Variants in PCDHGB4 observed in about 807,000 individuals in gnomAD.
The protein encoded by PCDHGB4 is protocadherin gamma subfamily B, 4.
In PCDHGB4, 38 loss-of-function variants were observed where a neutral mutation model predicts 60.5. The observed-to-expected ratio is 0.63, with a 90% CI of 0.48 to 0.82. PCDHGB4 has a LOEUF of 0.82. Among genes scored for constraint, PCDHGB4 ranks in the 40% least tolerant of loss-of-function variants. The pLI is 0.00. For synonymous variants in PCDHGB4, 456 were observed against 509.7 expected (o/e 0.89, Z 1.42); for missense variants, 1,109 against 1,209.6 (o/e 0.92, Z 1.23).
At position 141,486,931 on chromosome 5, in the gene PCDHGB4, T is replaced by C. The variant is rs201042803; in HGVS notation, c.2398-7876T>C. 2 of 1,614,258 alleles carry C rather than the reference T, an allele frequency of 1.2e-6. No homozygotes were observed. Among genetic ancestry groups the C allele is most frequent in the East Asian group, 2.2e-5 (1 of 44,876 alleles). ...AAGCACTGCCTCCATCAGTTGGTGC[T>C]GGCCACCTAATCACAAAGGTGACTG... On this transcript the variant is annotated intron_variant, in intron 1 of 3. Coordinates refer to ENST00000519479, the MANE Select transcript of PCDHGB4 (RefSeq NM_003736.4). This position sits in a 1 kb window ranked among gnomAD's most constrained non-coding sequence, Gnocchi z 5.0.
intron 1 of PCDHGB4, chr5:141,407,978 A>ATCCGTCAGCCTCTGGCCTGGGAT (rs2095018425): frequency 2.7e-6 from 2 of 743,974 alleles, no homozygotes; most frequent in Non-Finnish European, 4.1e-6. Context: ...GACGCCGGGG[A>ATCCGTCAGCCTCTGGCCTGGGAT]TCCGTCAGCC....
At position 141,511,112 on chromosome 5, in the gene PCDHGB4, G is replaced by A. The variant is rs767257788; in HGVS notation, c.2711G>A (p.Gly904Asp). The change falls in exon 4 of 4, where the codon GGC (glycine) becomes GAC (aspartate). Residue 904 changes from glycine (G) to aspartate (D), a missense_variant. Transcript: ENST00000519479. ...ACCAACGCAGCTGGCAAGCGGGATGGCAAGGCCCCAGCAGGTGGCAATGGC... is the reference window on the plus strand; with the variant it reads ...ACCAACGCAGCTGGCAAGCGGGATGACAAGGCCCCAGCAGGTGGCAATGGC... The part of the protein sequence containing the change: ...TLTNAAGKRD[G>D]KAPAGGNGNK... 1 of 1,614,232 alleles carries A rather than the reference G, an allele frequency of 6.2e-7. No individual in the cohort carries two copies.
intron 1 of PCDHGB4, chr5:141,427,261 C>A (rs903526432): frequency 1.5e-5 from 7 of 456,556 alleles, no homozygotes; most frequent in African/African-American, 4.0e-5. Flanking sequence ...GGAGGCATGA[C>A]CAGCGAATGT....
At chr5:141,440,221 C>A (rs557068282) in intron 1 of PCDHGB4, 2 of 152,450 alleles carry the variant, frequency 1.3e-5, no homozygotes, top group Admixed American at 6.5e-5. Context: ...GTAATCCCAG[C>A]ACTTTGGGAG....
At chr5:141,423,967 A>C (rs760284844) in intron 1 of PCDHGB4, 11 of 1,153,498 alleles carry the variant, frequency 9.5e-6, no homozygotes, top group Non-Finnish European at 1.2e-5. Flanking sequence ...TTTTTCTATT[A>C]TCAGTGTATG....
At position 141,423,166 on chromosome 5, in the gene PCDHGB4, G is replaced by A. The variant is rs367805855; in HGVS notation, c.2397+32885G>A. ...GCTCAAGCAGAGCCTCGTGGTGGCC[G>A]TCCAGGACCACGGCCAGCCCCCTCT... On this transcript the variant is annotated intron_variant, in intron 1 of 3. Transcript: ENST00000519479. 2.4e-5 allele frequency: 38 copies of A among 1,613,476 alleles called. No individual in the cohort carries two copies. The South Asian group carries it at 2.5e-4, about 11-fold the overall frequency.
chr5:141,398,148 G>T lies in PCDHGB4; in HGVS notation c.2397+7867G>T, dbSNP rs768560617. The T allele has an allele frequency of 9.4e-6, 14 of 1,497,140 alleles. 1 individual carries two copies. Among genetic ancestry groups the T allele is most frequent in the East Asian group, 9.3e-5 (4 of 42,788 alleles). 92.7% of individuals were successfully genotyped at this position (1,497,140 alleles called of 1,614,324 possible). On this transcript the variant is annotated intron_variant, in intron 1 of 3. Coordinates refer to ENST00000519479, the MANE Select transcript of PCDHGB4 (RefSeq NM_003736.4). ...GAGGGATGGGGAGCGGCGCCGGGGA[G>T]CTGGGCCGGGCTGAGAGGCTGCCAG...
At chr5:141,394,568 C>T (rs373695437) in intron 1 of PCDHGB4, 2 of 1,614,072 alleles carry the variant, frequency 1.2e-6, no homozygotes, top group African/African-American at 2.7e-5. Context: ...CAGAGCGTGG[C>T]TACCTGGTGA....
intron 1 of PCDHGB4, chr5:141,423,300 G>A (rs1293301567): frequency 2.5e-6 from 4 of 1,614,028 alleles, no homozygotes; most frequent in African/African-American, 1.3e-5. Context: ...CAGACCTCTC[G>A]CTGTACTTGG....
At chr5:141,478,559 A>T (rs938780510) in intron 1 of PCDHGB4, 1 of 1,599,454 alleles carries the variant, frequency 6.3e-7, no homozygotes, top group Non-Finnish European at 8.5e-7. Context: ...AAGGTTTAGC[A>T]AGTCATGCTT....
In PCDHGB4 at chr5:141,423,756, G is replaced by A. The variant is rs544048105; in HGVS notation, c.2397+33475G>A. 1.6e-5 allele frequency: 7 copies of A among 448,620 alleles called. 1 individual carries two copies. Among genetic ancestry groups the A allele is most frequent in the Non-Finnish European group, 2.1e-5 (7 of 329,706 alleles). 27.8% of individuals were successfully genotyped at this position (448,620 alleles called of 1,614,324 possible). A position where few individuals can be genotyped will look rare whatever the true frequency, so the allele number is the denominator to read the frequency against. ...GCCTGTTATGAAAACTGTTTGGGGG[G>A]GGGGTGGGGCGGCATATATTTAGTT... On this transcript the variant is annotated intron_variant, in intron 1 of 3. Coordinates refer to ENST00000519479, the MANE Select transcript of PCDHGB4 (RefSeq NM_003736.4).
chr5:141,427,975 C>T lies in PCDHGB4; in HGVS notation c.2397+37694C>T, dbSNP rs757718263. ...AATGTGCCGCGGGTGCTGTACCCCGCGCTGGGGCCCGATGGCTCCGCACTC... is the reference window on the plus strand; with the variant it reads ...AATGTGCCGCGGGTGCTGTACCCCGTGCTGGGGCCCGATGGCTCCGCACTC... On this transcript the variant is annotated intron_variant, in intron 1 of 3. Transcript: ENST00000519479. The T allele has an allele frequency of 1.9e-6, 3 of 1,594,600 alleles. No individual in the cohort carries two copies. In the South Asian group the frequency reaches 3.3e-5, roughly 18 times the overall value.
In PCDHGB4 at chr5:141,419,435, C is replaced by A. The variant is rs2096382649; in HGVS notation, c.2397+29154C>A. The A allele has an allele frequency of 2.5e-6, 4 of 1,613,108 alleles. No individual in the cohort carries two copies. In the African/African-American group the frequency reaches 4.0e-5, roughly 16 times the overall value. ...GCGCGCCTTCGACCACGAGCAGCTG[C>A]GCACCTTCGAGCTCACGCTGCAGGC... is the stretch of plus-strand genomic sequence containing the variant. On this transcript the variant is annotated intron_variant, in intron 1 of 3. Transcript: ENST00000519479.
rs765819865 is a variant in PCDHGB4, at chr5:141,394,837, TG to T, written c.2397+4559del. ...AGCATCCCCGAAGTCCTGACCGAGT[TG>T]GGCAGTCTGAAGCCTTCGGTCGACC... On this transcript the variant is annotated intron_variant, in intron 1 of 3. Transcript: ENST00000519479. The T allele has an allele frequency of 1.9e-6, 3 of 1,613,824 alleles. No homozygotes were observed. The South Asian group carries it at 3.3e-5, about 18-fold the overall frequency.
intron 1 of PCDHGB4, chr5:141,424,098 C>T: frequency 8.3e-6 from 7 of 846,340 alleles, no homozygotes; most frequent in Non-Finnish European, 1.0e-5. Flanking sequence ...TTTGCTATTA[C>T]TGCTAATGTT....
chr5:141,410,671 C>G (rs771368781), intron 1 of PCDHGB4: 1 of 1,563,260 alleles, frequency 6.4e-7, no homozygotes, highest in South Asian at 1.2e-5. Context: ...ACTAGTTTCT[C>G]ATATTTTAGG....
chr5:141,460,587 T>C (rs1461971599), intron 1 of PCDHGB4, among the ~76,000 whole-genome samples: 1 of 152,170 alleles, frequency 6.6e-6, no homozygotes, highest in Non-Finnish European at 1.5e-5. Flanking sequence ...TGTGGGTTTT[T>C]TCTGGGCTCT....
intron 1 of PCDHGB4, among the ~76,000 whole-genome samples, chr5:141,464,301 T>A (rs1237581605): frequency 6.6e-6 from 1 of 150,782 alleles, no homozygotes; most frequent in Non-Finnish European, 1.5e-5. Flanking sequence ...CTCCATTGTA[T>A]GTGCACATAT....
chr5:141,410,380 C>T, intron 1 of PCDHGB4: 1 of 1,614,072 alleles, frequency 6.2e-7, no homozygotes, highest in Non-Finnish European at 8.5e-7. Flanking sequence ...CTTGGGACTG[C>T]TTCCATCCTG....
Sources: gnomAD v4.1 joint callset for allele counts (sites outside exome capture counted in the v4.1 genomes callset) on GRCh38, gnomAD v4.1.1 for gene constraint, Gnocchi (gnomAD v3.1) non-coding constraint, MANE v1.5 for transcripts, NCBI Gene and HGNC (gene_info 2026-07-23, HGNC 2026-07-21) for gene names.